RALGAPA1: variants seen among roughly 807,000 people sequenced by gnomAD.
RALGAPA1 encodes Ral GTPase activating protein catalytic subunit alpha 1.
In RALGAPA1, 52 loss-of-function variants were observed where a neutral mutation model predicts 269.6. The observed-to-expected ratio is 0.19, with a 90% confidence interval of 0.15 to 0.24. The LOEUF (loss-of-function observed/expected upper bound fraction) is 0.24, where lower values mean the gene tolerates loss of function less well. RALGAPA1 is among the 10% of genes least tolerant of loss of function. The pLI is 1.00. For missense variants in RALGAPA1, 1,917 were observed against 3,013.9 expected, an observed-to-expected ratio of 0.64 and a Z score of 8.52; for synonymous variants, 817 against 1,008.3, an observed-to-expected ratio of 0.81 and a Z score of 3.60.
chr14:35,569,117 G>A (rs2056951819), intron 39 of RALGAPA1, among the ~76,000 whole-genome samples: 1 of 152,112 alleles, frequency 6.6e-6, no homozygotes, highest in African/African-American at 2.4e-5. Context: ...CACTGTGTCA[G>A]AATACATGAG....
chr14:35,726,366 C>T (rs1308344314), intron 13 of RALGAPA1, among the ~76,000 whole-genome samples: 1 of 152,192 alleles, frequency 6.6e-6, no homozygotes, highest in Admixed American at 6.5e-5. Flanking sequence ...TTGAAATCAA[C>T]TACAAATGCA....
intron 35 of RALGAPA1, among the ~76,000 whole-genome samples, chr14:35,624,169 A>C (rs1306073370): frequency 6.6e-6 from 1 of 150,916 alleles, no homozygotes; most frequent in Non-Finnish European, 1.5e-5. Flanking sequence ...AAAAAAAAAA[A>C]AAAAACAACT....
chr14:35,579,606 C>CAA (rs11397749), intron 37 of RALGAPA1, among the ~76,000 whole-genome samples: 3,709 of 132,592 alleles, frequency 0.028, 161 homozygotes, highest in African/African-American at 0.084. Context: ...GACTCCGTCT[C>CAA]AAAAAAAAAA....
At position 35,688,533 on chromosome 14, in the gene RALGAPA1, T is replaced by C. The variant is rs1377586975; in HGVS notation, c.3878A>G (p.Asn1293Ser). ...PKANVSPQRQNRMPPEAPLRD... is the reference protein window; with the variant it reads ...PKANVSPQRQSRMPPEAPLRD... Reference sequence around the variant, plus strand: ...CAGTGGAGCCTCTGGTGGCATTCTGTTCTGCCTCTGTGGGGAAACATTTGC... The same window carrying C: ...CAGTGGAGCCTCTGGTGGCATTCTGCTCTGCCTCTGTGGGGAAACATTTGC... Residue 1293 changes from asparagine to serine, a missense_variant, in exon 18 of 42, where the codon AAC becomes AGC. Physicochemically the swap from Asn to Ser is conservative, Grantham distance 46 (BLOSUM62 1). Transcript: ENST00000680220. The C allele has an allele frequency of 1.3e-6, 2 of 1,536,134 alleles. No homozygotes were observed. The highest frequency in any genetic ancestry group is 1.4e-5 in the African/African-American group (1 of 73,184).
chr14:35,793,549 C>T (rs2076346764), intron 1 of RALGAPA1, among the ~76,000 whole-genome samples: 1 of 151,984 alleles, frequency 6.6e-6, no homozygotes, highest in South Asian at 2.1e-4. Context: ...AGGTCTATTT[C>T]TATAATGTGT....
chr14:35,710,630 A>G (rs1229388060), intron 16 of RALGAPA1, among the ~76,000 whole-genome samples: 1 of 152,162 alleles, frequency 6.6e-6, no homozygotes. Context: ...CTGCTTTGTC[A>G]TGCACTGCAT....
chr14:35,753,354 T>C (rs1344063934), intron 7 of RALGAPA1, among the ~76,000 whole-genome samples: 2 of 152,124 alleles, frequency 1.3e-5, no homozygotes, highest in Non-Finnish European at 2.9e-5. Context: ...GAGAAAGCTT[T>C]TTCCTACAGT....
intron 39 of RALGAPA1, among the ~76,000 whole-genome samples, chr14:35,569,697 C>G (rs185763922): frequency 6.6e-6 from 1 of 152,212 alleles, no homozygotes; most frequent in Admixed American, 6.5e-5. Context: ...CTGATTAACT[C>G]TTATTTGTCC....
Position 35,665,335 on chromosome 14 carries a change from GC to G in RALGAPA1, c.5203-569del, listed in dbSNP as rs1378669992. ...CATCTTTTTTCCTTAGCTGTATTTA[GC>G]CATTTCTGAAGTATCAACACTGAAC... On this transcript the variant is annotated intron_variant, in intron 26 of 41. Coordinates refer to ENST00000680220, the MANE Select transcript of RALGAPA1 (RefSeq NM_001346249.2). Among the ~76,000 whole-genome samples, 9 of 152,220 alleles carry G rather than the reference GC, an allele frequency of 5.9e-5. No individual in the cohort carries two copies. In the East Asian group the frequency reaches 1.7e-3, roughly 29 times the overall value.
chr14:35,785,351 T>C (rs111542838), intron 1 of RALGAPA1, among the ~76,000 whole-genome samples: 2,562 of 152,354 alleles, frequency 0.017, 63 homozygotes, highest in African/African-American at 0.056. Flanking sequence ...CTGATCTCTA[T>C]CTGATCTGAT....
chr14:35,686,471 T>G, intron 19 of RALGAPA1, 71 bp downstream of exon 19: 1 of 1,157,778 alleles, frequency 8.6e-7, no homozygotes, highest in South Asian at 2.7e-5. Flanking sequence ...TTGACATATA[T>G]GTACATAGGT....
At chr14:35,735,209 T>G (rs1187017885) in intron 12 of RALGAPA1, among the ~76,000 whole-genome samples, 1 of 152,172 alleles carries the variant, frequency 6.6e-6, no homozygotes, top group African/African-American at 2.4e-5. Flanking sequence ...ATCCCACTAC[T>G]GGGTATCTAC....
At chr14:35,663,929 C>G (rs550776420) in intron 27 of RALGAPA1, among the ~76,000 whole-genome samples, 1 of 152,168 alleles carries the variant, frequency 6.6e-6, no homozygotes, top group Non-Finnish European at 1.5e-5. Context: ...TAAGTAAGGA[C>G]AGGTCTCAGT....
chr14:35,674,633 A>G lies in RALGAPA1; in HGVS notation c.4701T>C (p.Ala1567=). ...GTLTGWHADV[A]TVMWRRMLGI... ...CTAGCATTCTTCGCCACATTACAGT[A>G]GCAACATCAGCATGCCATCCAGTCA... The change falls in exon 23 of 42, where the codon GCT becomes GCC. Residue 1567 remains alanine (A), a synonymous_variant. Transcript: ENST00000680220. 6.4e-7 allele frequency: 1 copy of G among 1,561,168 alleles called. No homozygotes were observed. Among genetic ancestry groups the G allele is most frequent in the African/African-American group, 1.4e-5 (1 of 73,958 alleles).
intron 41 of RALGAPA1, chr14:35,542,224 A>G (rs982892154): frequency 3.1e-6 from 1 of 324,488 alleles, no homozygotes; most frequent in Admixed American, 4.7e-5. Flanking sequence ...ATTGAATTAA[A>G]ATGAATTAAA....
In RALGAPA1 at chr14:35,700,272, G is replaced by A. The variant is rs1219121342; in HGVS notation, c.2297C>T (p.Ala766Val). Residue 766 changes from alanine to valine, a missense_variant, in exon 17 of 42, where the codon GCT becomes GTT. Physicochemically the swap from Ala to Val is moderately conservative, Grantham distance 64. Transcript: ENST00000680220. Reference sequence around the variant, plus strand: ...ACTGCGTATATAGGCCGATGGCAGAGCACATTCACCAATGGATCGGCTTCT... The same window carrying A: ...ACTGCGTATATAGGCCGATGGCAGAACACATTCACCAATGGATCGGCTTCT... ...AMRSRSIGEC[A>V]LPSAYIRSAK... 1 of 1,531,348 alleles carries A rather than the reference G, an allele frequency of 6.5e-7. No individual in the cohort carries two copies. Among genetic ancestry groups the A allele is most frequent in the South Asian group, 1.2e-5 (1 of 83,064 alleles). 94.9% of individuals were successfully genotyped at this position (1,531,348 alleles called of 1,614,324 possible).
intron 11 of RALGAPA1, among the ~76,000 whole-genome samples, chr14:35,741,387 T>C (rs2071532862): frequency 6.6e-6 from 1 of 152,144 alleles, no homozygotes; most frequent in South Asian, 2.1e-4. Flanking sequence ...TTACTTCAAT[T>C]ATATTTCTCA....
chr14:35,683,950 A>T lies in RALGAPA1; in HGVS notation c.4330T>A (p.Ser1444Thr). ...CCAGAACCTGAATCCACATCAGCAGAGGACGTAACCCCAGTGTCGGTTCCA... is the reference window on the plus strand; with the variant it reads ...CCAGAACCTGAATCCACATCAGCAGTGGACGTAACCCCAGTGTCGGTTCCA... The part of the protein sequence containing the change: ...GFGTDTGVTS[S>T]ADVDSGSGHH... The change falls in exon 21 of 42, where the codon TCT becomes ACT. Residue 1444 changes from serine (S) to threonine (T), a missense_variant. Ser to Thr is a moderately conservative substitution (Grantham distance 58). This residue lies in a region of RALGAPA1 where 615 missense variants were observed against 790.0 expected (regional missense o/e 0.78). Coordinates refer to ENST00000680220, the MANE Select transcript of RALGAPA1 (RefSeq NM_001346249.2). The T allele has an allele frequency of 1.9e-6, 3 of 1,613,188 alleles. No homozygotes were observed. Among genetic ancestry groups the T allele is most frequent in the Admixed American group, 1.7e-5 (1 of 59,870 alleles).
chr14:35,774,963 A>C, intron 3 of RALGAPA1, 43 bp downstream of exon 3: 1 of 1,247,624 alleles, frequency 8.0e-7, no homozygotes, highest in South Asian at 1.3e-5. Context: ...TGTTCCAAAA[A>C]TTATTTTTGA....
Sources: gnomAD v4.1 joint callset for allele counts (sites outside exome capture counted in the v4.1 genomes callset) on GRCh38, gnomAD v4.1.1 for gene constraint, gnomAD v4.1.1 regional missense constraint, MANE v1.5 for transcripts, NCBI Gene and HGNC (gene_info 2026-07-23, HGNC 2026-07-21) for gene names.